The following TANC2 variants were observed in gnomAD, a reference collection of about 807,000 sequenced individuals.
TANC2 encodes the protein protein TANC2.
Under a neutral mutation model 210.5 loss-of-function variants are expected in TANC2, and 26 were observed. The ratio of observed to expected loss-of-function variants is 0.12; its 90% CI spans 0.09 to 0.17. TANC2 has a LOEUF of 0.17. Among genes scored for constraint, TANC2 ranks in the 10% least tolerant of loss-of-function variants. The pLI, the probability that TANC2 is intolerant of heterozygous loss-of-function variation, is 1.00. For missense variants in TANC2, 2,129 were observed against 2,608.9 expected (o/e 0.82, Z 4.01); for synonymous variants, 931 against 967.1 (o/e 0.96, Z 0.69).
At chr17:63,164,442 T>G (rs2145508953) in intron 5 of TANC2, among the ~76,000 whole-genome samples, 1 of 152,248 alleles carries the variant, frequency 6.6e-6, no homozygotes, top group East Asian at 1.9e-4. Flanking sequence ...CAAAGGAAAC[T>G]GAAGCTATAA....
chr17:63,000,108 C>CA (rs1466145972), intron 1 of TANC2, among the ~76,000 whole-genome samples: 1 of 152,096 alleles, frequency 6.6e-6, no homozygotes, highest in Non-Finnish European at 1.5e-5. Context: ...AGGTGAGGAT[C>CA]AAAAAATTAC....
chr17:63,363,594 C>G (rs540721991), intron 14 of TANC2, among the ~76,000 whole-genome samples: 5 of 152,134 alleles, frequency 3.3e-5, no homozygotes, highest in Non-Finnish European at 5.9e-5. Context: ...CCAGTTTTCC[C>G]AGCACCATTT....
Position 63,421,397 on chromosome 17 carries a change from C to G in TANC2, c.5667C>G (p.Ile1889Met), listed in dbSNP as rs1458109367. The stretch of plus-strand genomic sequence containing the variant: ...CGACCTTCCGGCCATCTTCTTCCAT[C>G]CAGCAAATGGAGATCCCACTGAAAC... The change falls in exon 28 of 28, where the codon ATC becomes ATG. Residue 1889 changes from isoleucine to methionine, a missense_variant. Coordinates refer to ENST00000689528, the Ensembl canonical transcript of TANC2. This position sits in a 1 kb window ranked among gnomAD's most constrained non-coding sequence, Gnocchi z 6.9. 1 of 1,613,994 alleles carries G rather than the reference C, an allele frequency of 6.2e-7. No homozygotes were observed. The highest frequency in any genetic ancestry group is 1.7e-5 in the Admixed American group (1 of 60,020).
chr17:63,011,839 GTTTTC>G (rs1244197382), intron 2 of TANC2, among the ~76,000 whole-genome samples: 22 of 151,834 alleles, frequency 1.4e-4, no homozygotes, highest in African/African-American at 4.1e-4. Flanking sequence ...ATATAGTTGA[GTTTTC>G]TTTTCTTTTA....
chr17:63,244,537 A>G (rs1027108435), intron 8 of TANC2, among the ~76,000 whole-genome samples: 1 of 152,112 alleles, frequency 6.6e-6, no homozygotes, highest in Non-Finnish European at 1.5e-5. Flanking sequence ...TGAAAGCAGA[A>G]CCCATTGAGA....
intron 1 of TANC2, among the ~76,000 whole-genome samples, chr17:62,974,473 T>A (rs1246663139): frequency 6.6e-6 from 1 of 152,206 alleles, no homozygotes; most frequent in Non-Finnish European, 1.5e-5. Flanking sequence ...GTGTGTAAAG[T>A]TTAAAAGTTG....
At chr17:63,200,678 GTT>G in intron 6 of TANC2, 91 bp from the exon 7 acceptor site, 3 of 1,046,524 alleles carry the variant, frequency 2.9e-6, no homozygotes, top group Non-Finnish European at 1.4e-6. Context: ...TATGCATGTA[GTT>G]TTTTTTTTCA....
chr17:63,107,375 A>G (rs904367980), intron 4 of TANC2, among the ~76,000 whole-genome samples: 1 of 151,886 alleles, frequency 6.6e-6, no homozygotes, highest in Non-Finnish European at 1.5e-5. Flanking sequence ...AATATTAAAC[A>G]CAAATAAAAA....
chr17:63,131,173 ACAGAAAT>A (rs1271470374), intron 4 of TANC2, among the ~76,000 whole-genome samples: 1 of 152,246 alleles, frequency 6.6e-6, no homozygotes, highest in Non-Finnish European at 1.5e-5. Flanking sequence ...TAGTATAACA[ACAGAAAT>A]ATAAGACTGA....
rs2039516038 is a variant in TANC2 at position 63,147,848 on chromosome 17, G to C, written c.323-3422G>C. 3.3e-5 allele frequency among the ~76,000 whole-genome samples: 5 copies of C among 152,220 alleles called. No homozygotes were observed. The South Asian group carries it at 8.3e-4, about 25-fold the overall frequency. On this transcript the variant is annotated intron_variant, in intron 4 of 27. Coordinates refer to ENST00000689528, the Ensembl canonical transcript of TANC2. Reference sequence around the variant, plus strand: ...TTAAAAAATAATTGGTGATATCACTGTTCACATCCCCTTAGACATCTTTGT... The same window carrying C: ...TTAAAAAATAATTGGTGATATCACTCTTCACATCCCCTTAGACATCTTTGT...
intron 2 of TANC2, among the ~76,000 whole-genome samples, chr17:63,069,979 G>A (rs759456940): frequency 3.3e-5 from 5 of 152,054 alleles, no homozygotes; most frequent in Non-Finnish European, 7.4e-5. Flanking sequence ...CTTTTGCTGG[G>A]CTGCTTTTAT....
In TANC2 at chr17:63,234,904, C is replaced by G. The variant is rs527734811; in HGVS notation, c.770-2910C>G. Among the ~76,000 whole-genome samples the G allele has an allele frequency of 1.2e-4, 18 of 152,244 alleles. No homozygotes were observed. In the South Asian group the frequency reaches 3.7e-3, roughly 32 times the overall value. On this transcript the variant is annotated intron_variant, in intron 7 of 27. Coordinates refer to ENST00000689528, the Ensembl canonical transcript of TANC2. The stretch of plus-strand genomic sequence containing the variant: ...TAATATCAGTCCCGCTTAGAGTGTT[C>G]TGTTGATAATTGAATGAGTTACTGT...
At chr17:63,133,513 GTTTTC>G (rs1316470572) in intron 4 of TANC2, among the ~76,000 whole-genome samples, 1 of 151,804 alleles carries the variant, frequency 6.6e-6, no homozygotes, top group Non-Finnish European at 1.5e-5. Context: ...AATTCTTTTT[GTTTTC>G]TTTGTTAATG....
At chr17:63,035,181 G>A (rs1332953519) in intron 2 of TANC2, among the ~76,000 whole-genome samples, 1 of 152,144 alleles carries the variant, frequency 6.6e-6, no homozygotes, top group African/African-American at 2.4e-5. Context: ...CATAGAGAAA[G>A]ACCCTCCACC....
chr17:63,341,673 C>T (rs1373176364), intron 12 of TANC2, among the ~76,000 whole-genome samples: 4 of 152,228 alleles, frequency 2.6e-5, no homozygotes, highest in Admixed American at 2.6e-4. Context: ...ACTTCTAAAC[C>T]ATTCATGGCA....
At chr17:63,087,067 CTT>C (rs2036997388) in intron 3 of TANC2, among the ~76,000 whole-genome samples, 1 of 152,222 alleles carries the variant, frequency 6.6e-6, no homozygotes, top group Non-Finnish European at 1.5e-5. Flanking sequence ...GCTGGTCACT[CTT>C]GGTTCCGTGC....
chr17:63,068,024 C>A (rs2036263959), intron 2 of TANC2, among the ~76,000 whole-genome samples: 1 of 152,152 alleles, frequency 6.6e-6, no homozygotes, highest in South Asian at 2.1e-4. Flanking sequence ...TGTGATCAAT[C>A]TGCTGAAGAC....
intron 1 of TANC2, among the ~76,000 whole-genome samples, chr17:63,006,054 A>C (rs903364817): frequency 2.0e-5 from 3 of 151,966 alleles, no homozygotes; most frequent in African/African-American, 7.2e-5. Flanking sequence ...TATACATTTT[A>C]TATTAAATGT....
chr17:63,141,284 G>T (rs2039279163), intron 4 of TANC2, among the ~76,000 whole-genome samples: 1 of 141,682 alleles, frequency 7.1e-6, no homozygotes, highest in Admixed American at 7.5e-5. Flanking sequence ...GCTCATGCCT[G>T]TAATCCCAGC....
Sources: allele counts gnomAD v4.1 joint callset (sites outside exome capture counted in the v4.1 genomes callset), GRCh38; gene constraint gnomAD v4.1.1; non-coding constraint Gnocchi (gnomAD v3.1); transcripts MANE v1.5; gene names NCBI Gene and HGNC (gene_info 2026-07-23, HGNC 2026-07-21).